Variants in ARL6 observed in about 807,000 individuals in gnomAD.
ARL6 encodes the protein ARF like GTPase 6.
A neutral mutation model predicts 27.1 loss-of-function variants in ARL6; 18 were observed. The observed-to-expected ratio is 0.66, with a 90% CI of 0.46 to 0.98. The LOEUF is 0.98. ARL6 is among the 50% of genes least tolerant of loss of function. The pLI is 0.00. For synonymous variants in ARL6, 65 were observed against 72.3 expected, an observed-to-expected ratio of 0.90 and a Z score of 0.51; for missense variants, 187 against 214.9, an observed-to-expected ratio of 0.87 and a Z score of 0.81.
At position 97,798,249 on chromosome 3, in the gene ARL6, C is replaced by T. The variant is rs1373872388; in HGVS notation, c.*200C>T. ...ATTATTTAAAAACTAAATATTCCCT[C>T]AAAAGGGCTCCCTAGAATTATCAAG... is the stretch of plus-strand genomic sequence containing the variant. On this transcript the variant is annotated 3_prime_UTR_variant, in exon 8 of 8. Coordinates refer to ENST00000463745, the MANE Select transcript of ARL6 (RefSeq NM_001278293.3). The T allele has an allele frequency of 3.5e-5, 20 of 563,406 alleles. No homozygotes were observed. The Admixed American group carries it at 6.1e-4, about 17-fold the overall frequency. 34.9% of individuals were successfully genotyped at this position (563,406 alleles called of 1,614,324 possible). A position where few individuals can be genotyped will look rare whatever the true frequency, so the allele number is the denominator to read the frequency against.
At chr3:97,795,794 G>A (rs1196013903) in intron 7 of ARL6, among the ~76,000 whole-genome samples, 1 of 152,186 alleles carries the variant, frequency 6.6e-6, no homozygotes, top group Non-Finnish European at 1.5e-5. Flanking sequence ...ATTCTCTGCA[G>A]AGTCAAAGAC....
chr3:97,796,242 A>G (rs887463225), intron 7 of ARL6, among the ~76,000 whole-genome samples: 3 of 152,178 alleles, frequency 2.0e-5, no homozygotes, highest in Admixed American at 2.0e-4. Context: ...TAGAGAGAAC[A>G]TTTCAAAAAA....
rs1370980882 is a variant in ARL6 at position 97,800,676 on chromosome 3, T to A, written c.*2627T>A. 6.6e-6 allele frequency: 1 copy of A among 152,192 alleles called. No individual in the cohort carries two copies. Among genetic ancestry groups the A allele is most frequent in the Non-Finnish European group, 1.5e-5 (1 of 68,020 alleles). The allele number at this position is 152,192 out of a possible 1,614,324, so 9.4% of individuals were successfully genotyped here. On this transcript the variant is annotated 3_prime_UTR_variant, in exon 8 of 8. Transcript: ENST00000463745. Reference sequence around the variant, plus strand: ...TTCCATAAATATGTGCAGTTACTCTTGATAATACTTGTCTTATTCATTTCA... The same window carrying A: ...TTCCATAAATATGTGCAGTTACTCTAGATAATACTTGTCTTATTCATTTCA...
chr3:97,794,945 A>G (rs2037928677), intron 7 of ARL6, among the ~76,000 whole-genome samples: 1 of 152,104 alleles, frequency 6.6e-6, no homozygotes, highest in African/African-American at 2.4e-5. Context: ...AAAATTAGCC[A>G]GGCGTGGTGG....
At chr3:97,787,835 T>G (rs2037532041) in intron 5 of ARL6, among the ~76,000 whole-genome samples, 155 bp from the exon 6 acceptor site, 1 of 152,134 alleles carries the variant, frequency 6.6e-6, no homozygotes, top group Admixed American at 6.5e-5. Flanking sequence ...AATACATGCC[T>G]AACAGTGTGA....
chr3:97,780,060 A>T, intron 2 of ARL6, 99 bp from the exon 3 acceptor site: 1 of 892,484 alleles, frequency 1.1e-6, no homozygotes, highest in Non-Finnish European at 1.9e-6. Context: ...TCATCTCCTT[A>T]GTGACAGATT....
chr3:97,771,915 G>A (rs548177146), intron 2 of ARL6, among the ~76,000 whole-genome samples: 1 of 152,208 alleles, frequency 6.6e-6, no homozygotes, highest in Non-Finnish European at 1.5e-5. Flanking sequence ...TTTTTAATAG[G>A]TTGTTAGATT....
At chr3:97,777,319 C>T (rs940558343) in intron 2 of ARL6, among the ~76,000 whole-genome samples, 15 of 152,078 alleles carry the variant, frequency 9.9e-5, no homozygotes, top group African/African-American at 2.2e-4. Flanking sequence ...TAAGGCAATA[C>T]GATAACCACA....
In ARL6 at chr3:97,799,455, A is replaced by T. The variant is rs1219304754; in HGVS notation, c.*1406A>T. ...TCTTGTAAATTGTTTTAGAGGATAC[A>T]AAATGAAAATCTCATTAATCTAAAG... On this transcript the variant is annotated 3_prime_UTR_variant, in exon 8 of 8. Coordinates refer to ENST00000463745, the MANE Select transcript of ARL6 (RefSeq NM_001278293.3). The T allele has an allele frequency of 6.6e-6, 1 of 152,110 alleles. No homozygotes were observed. The highest frequency in any genetic ancestry group is 1.5e-5 in the Non-Finnish European group (1 of 67,940). The allele number at this position is 152,110 out of a possible 1,614,324, so 9.4% of individuals were successfully genotyped here.
Position 97,798,138 on chromosome 3 carries a change from A to G in ARL6, c.*89A>G, listed in dbSNP as rs571927243. On this transcript the variant is annotated 3_prime_UTR_variant, in exon 8 of 8. Coordinates refer to ENST00000463745, the MANE Select transcript of ARL6 (RefSeq NM_001278293.3). ...TACATTTTGTAAAAGATGTTTATGC[A>G]TCAAAAAATATAATTTTCTGCTTGC... 2 of 1,313,428 alleles carry G rather than the reference A, an allele frequency of 1.5e-6. No individual in the cohort carries two copies. Among genetic ancestry groups the G allele is most frequent in the Non-Finnish European group, 1.1e-6 (1 of 914,448 alleles). The allele number at this position is 1,313,428 out of a possible 1,614,324, so 81.4% of individuals were successfully genotyped here. A position where few individuals can be genotyped will look rare whatever the true frequency, so the allele number is the denominator to read the frequency against.
At chr3:97,789,344 C>A (rs1454246103) in intron 6 of ARL6, among the ~76,000 whole-genome samples, 2 of 152,136 alleles carry the variant, frequency 1.3e-5, no homozygotes, top group African/African-American at 4.8e-5. Context: ...TTCTCTAAAT[C>A]ATACCTAAAT....
intron 6 of ARL6, among the ~76,000 whole-genome samples, chr3:97,790,343 G>C (rs541429955): frequency 6.6e-6 from 1 of 152,174 alleles, no homozygotes; most frequent in East Asian, 1.9e-4. Context: ...GAATGTACCT[G>C]GTGTGTTCCA....
At chr3:97,791,636 C>T in intron 6 of ARL6, 135 bp from the exon 7 acceptor site, 3 of 661,320 alleles carry the variant, frequency 4.5e-6, no homozygotes, top group South Asian at 4.2e-5. Flanking sequence ...TTTTCAATTT[C>T]AATGCTTAAC....
At chr3:97,785,381 G>A (rs1007036018) in intron 5 of ARL6, among the ~76,000 whole-genome samples, 6 of 148,012 alleles carry the variant, frequency 4.1e-5, no homozygotes, top group Non-Finnish European at 8.9e-5. Flanking sequence ...AAAGATCTGT[G>A]TATTTCAACA....
At chr3:97,796,627 G>A (rs1343827256) in intron 7 of ARL6, among the ~76,000 whole-genome samples, 1 of 151,944 alleles carries the variant, frequency 6.6e-6, no homozygotes, top group African/African-American at 2.4e-5. Flanking sequence ...TCAATACAGT[G>A]GATAAAAATA....
chr3:97,785,229 A>T (rs2037394115), intron 5 of ARL6, among the ~76,000 whole-genome samples, 180 bp downstream of exon 5: 1 of 151,716 alleles, frequency 6.6e-6, no homozygotes, highest in Non-Finnish European at 1.5e-5. Context: ...TAAATTTTGC[A>T]TGCAATGTAA....
At chr3:97,780,978 C>T (rs113605903) in intron 4 of ARL6, among the ~76,000 whole-genome samples, 2 of 152,188 alleles carry the variant, frequency 1.3e-5, no homozygotes, top group Middle Eastern at 3.4e-3. Context: ...AGCTAAAAGT[C>T]CTTTCCTCTG....
intron 2 of ARL6, among the ~76,000 whole-genome samples, chr3:97,774,360 CG>C (rs1254897308): frequency 6.6e-6 from 1 of 151,968 alleles, no homozygotes; most frequent in Non-Finnish European, 1.5e-5. Context: ...TAGAAGCAGG[CG>C]GGGGTATTGA....
At chr3:97,797,820 G>A (rs1480380164) in intron 7 of ARL6, among the ~76,000 whole-genome samples, 5 of 152,104 alleles carry the variant, frequency 3.3e-5, no homozygotes, top group African/African-American at 1.2e-4. Flanking sequence ...TACTAGAGAG[G>A]TTCAGGTGGG....
Sources: allele counts gnomAD v4.1 joint callset (sites outside exome capture counted in the v4.1 genomes callset), GRCh38; gene constraint gnomAD v4.1.1; transcripts MANE v1.5; gene names NCBI Gene and HGNC (gene_info 2026-07-23, HGNC 2026-07-21).